Variants in LRTM3 observed in about 807,000 individuals in gnomAD.
LRTM3 encodes the protein leucine rich repeat transmembrane protein 3.
the LRTM3 span, chr13:102,741,132 C>G: frequency 1.3e-6 from 2 of 1,548,992 alleles, no homozygotes; most frequent in Admixed American, 2.0e-5. Context: ...AGAATATTCT[C>G]TTTATTCTGA....
At chr13:102,739,525 C>G in the LRTM3 span, 2 of 1,550,358 alleles carry the variant, frequency 1.3e-6, no homozygotes, top group African/African-American at 1.4e-5. Context: ...AAGAAGTACA[C>G]AAGTTTGTCA....
chr13:102,757,137 T>A, the LRTM3 span, among the ~76,000 whole-genome samples: 1 of 152,316 alleles, frequency 6.6e-6, no homozygotes, highest in African/African-American at 2.4e-5. Context: ...ATTGCACTAC[T>A]GACATGCTGT....
At chr13:102,731,573 T>G in the LRTM3 span, 3 of 1,551,488 alleles carry the variant, frequency 1.9e-6, no homozygotes, top group East Asian at 4.9e-5. Flanking sequence ...GTCGTCAGGC[T>G]TATAGGCTTG....
chr13:102,737,154 T>C, the LRTM3 span: 1 of 1,551,054 alleles, frequency 6.4e-7, no homozygotes, highest in Non-Finnish European at 8.7e-7. Flanking sequence ...TCAGGTTGCA[T>C]TATATAATCC....
chr13:102,756,919 A>ATT, the LRTM3 span, among the ~76,000 whole-genome samples: 3 of 152,108 alleles, frequency 2.0e-5, no homozygotes, highest in Admixed American at 2.0e-4. Flanking sequence ...GCAGGAAGGG[A>ATT]ATAATAGGAC....
At chr13:102,740,678 G>A in the LRTM3 span, 2 of 1,547,890 alleles carry the variant, frequency 1.3e-6, no homozygotes, top group Non-Finnish European at 1.7e-6. Context: ...TTGCATAGAT[G>A]CATTGAACTG....
At chr13:102,755,827 T>C in the LRTM3 span, among the ~76,000 whole-genome samples, 2 of 149,350 alleles carry the variant, frequency 1.3e-5, no homozygotes, top group Non-Finnish European at 3.0e-5. Flanking sequence ...GTGTCAATGG[T>C]TAAAAATAAA....
the LRTM3 span, chr13:102,733,317 T>G: frequency 1.4e-5 from 22 of 1,551,342 alleles, no homozygotes; most frequent in Non-Finnish European, 1.9e-5. Context: ...AACATTTTGC[T>G]GATTCTATCA....
At chr13:102,730,741 C>T in the LRTM3 span, 1 of 1,551,728 alleles carries the variant, frequency 6.4e-7, no homozygotes, top group East Asian at 2.4e-5. Context: ...CGTTTTTACA[C>T]ACTGCAATTG....
the LRTM3 span, chr13:102,736,918 T>C: frequency 1.3e-6 from 2 of 1,551,180 alleles, no homozygotes; most frequent in Non-Finnish European, 1.7e-6. Flanking sequence ...GAAGAAAAGA[T>C]CTTGTTACTC....
chr13:102,744,386 T>A, the LRTM3 span: 1 of 1,550,260 alleles, frequency 6.5e-7, no homozygotes, highest in African/African-American at 1.4e-5. Context: ...ACTATCCCAT[T>A]TCCTTCTAGG....
At chr13:102,753,494 T>TAAAAAAAAAAA in the LRTM3 span, among the ~76,000 whole-genome samples, 1 of 124,438 alleles carries the variant, frequency 8.0e-6, no homozygotes, top group Non-Finnish European at 1.6e-5. Context: ...AAAGTAAAAT[T>TAAAAAAAAAAA]AAAAAAAAAA....
chr13:102,745,989 C>T, the LRTM3 span: 564 of 1,551,020 alleles, frequency 3.6e-4, no homozygotes, highest in Non-Finnish European at 4.6e-4. Context: ...ATTAAGCCAT[C>T]GCTGTTCTCC....
chr13:102,744,035 A>C, the LRTM3 span: 1 of 1,550,458 alleles, frequency 6.4e-7, no homozygotes. Context: ...GAGTTTATCA[A>C]TCATTGATTT....
At chr13:102,735,037 C>T in the LRTM3 span, 4 of 1,551,056 alleles carry the variant, frequency 2.6e-6, no homozygotes, top group South Asian at 4.8e-5. Context: ...TGCTTTCCTC[C>T]TGAAACCCTG....
the LRTM3 span, chr13:102,741,897 T>A: frequency 5.8e-4 from 902 of 1,550,442 alleles, 6 homozygotes; most frequent in African/African-American, 0.011. Context: ...AACGGTCCAA[T>A]ATAGTATTGG....
chr13:102,735,793 T>G, the LRTM3 span: 4 of 1,542,772 alleles, frequency 2.6e-6, no homozygotes. Flanking sequence ...TGAATTGTGT[T>G]TTTCCTAATG....
At chr13:102,745,831 A>G in the LRTM3 span, 1 of 1,551,200 alleles carries the variant, frequency 6.4e-7, no homozygotes, top group Non-Finnish European at 8.7e-7. Context: ...TTTCAAATGG[A>G]AATTGATCCA....
At chr13:102,730,351 G>A in the LRTM3 span, 14 of 1,550,910 alleles carry the variant, frequency 9.0e-6, no homozygotes, top group East Asian at 7.3e-5. Flanking sequence ...ATGAACACTC[G>A]TCCAAGTCAG....
Sources: allele counts gnomAD v4.1 joint callset (sites outside exome capture counted in the v4.1 genomes callset), GRCh38; gene constraint gnomAD v4.1.1; transcripts MANE v1.5; gene names NCBI Gene and HGNC (gene_info 2026-07-23, HGNC 2026-07-21).